The following SPAG16 variants were observed in gnomAD, a reference collection of about 807,000 sequenced individuals.
The protein encoded by SPAG16 is sperm associated antigen 16.
A neutral mutation model predicts 80.4 loss-of-function variants in SPAG16; 86 were observed. That is an observed-to-expected ratio of 1.07 (90% confidence interval 0.90 to 1.28). SPAG16 has a LOEUF of 1.28. SPAG16 is among the 50% of genes most tolerant of loss of function. The probability of loss-of-function intolerance (pLI) is 0.00; values close to 1 mark genes in which losing one functional copy is unlikely to be tolerated. For missense variants in SPAG16, 870 were observed against 765.3 expected, an observed-to-expected ratio of 1.14 and a Z score of -1.61; for synonymous variants, 294 against 265.9, an observed-to-expected ratio of 1.11 and a Z score of -1.03.
intron 12 of SPAG16, among the ~76,000 whole-genome samples, chr2:213,931,695 A>G (rs1168269540): frequency 6.6e-6 from 1 of 152,136 alleles, no homozygotes; most frequent in East Asian, 1.9e-4. Context: ...ACTTTTCTTT[A>G]TGACCCTGGT....
At chr2:214,180,243 G>A (rs1462641893) in intron 15 of SPAG16, among the ~76,000 whole-genome samples, 1 of 151,536 alleles carries the variant, frequency 6.6e-6, no homozygotes, top group Non-Finnish European at 1.5e-5. Context: ...CATATGTTGA[G>A]GGAAGAATGC....
At chr2:214,138,702 G>T (rs2055191169) in intron 14 of SPAG16, among the ~76,000 whole-genome samples, 1 of 152,112 alleles carries the variant, frequency 6.6e-6, no homozygotes, top group African/African-American at 2.4e-5. Flanking sequence ...CTGAGCATCA[G>T]AAGGAAGATT....
intron 11 of SPAG16, among the ~76,000 whole-genome samples, chr2:213,906,122 C>T (rs2077421727): frequency 6.6e-6 from 1 of 152,016 alleles, no homozygotes; most frequent in Non-Finnish European, 1.5e-5. Context: ...TTTTAACCTT[C>T]CCCACTCTAT....
At chr2:214,227,333 A>G (rs1318009596) in intron 15 of SPAG16, among the ~76,000 whole-genome samples, 1 of 152,070 alleles carries the variant, frequency 6.6e-6, no homozygotes, top group Admixed American at 6.6e-5. Context: ...AACAGTTTTA[A>G]TATTTACTAC....
At chr2:214,086,690 G>C (rs1399267139) in intron 13 of SPAG16, among the ~76,000 whole-genome samples, 2 of 152,046 alleles carry the variant, frequency 1.3e-5, no homozygotes, top group Non-Finnish European at 2.9e-5. Context: ...CCAGTCTCCA[G>C]AAGTTCTTTA....
intron 15 of SPAG16, among the ~76,000 whole-genome samples, chr2:214,345,795 T>TAAAC (rs1169564953): frequency 6.6e-6 from 1 of 152,156 alleles, no homozygotes; most frequent in Non-Finnish European, 1.5e-5. Context: ...TATTGAACTG[T>TAAAC]AAACAAATAA....
intron 9 of SPAG16, among the ~76,000 whole-genome samples, chr2:213,477,856 CA>C (rs1298290714): frequency 2.0e-5 from 3 of 152,044 alleles, no homozygotes; most frequent in Non-Finnish European, 2.9e-5. Flanking sequence ...TGGGAGGGGC[CA>C]GGGGCAGAAT....
At chr2:213,713,972 T>C (rs918678958) in intron 10 of SPAG16, among the ~76,000 whole-genome samples, 1 of 152,190 alleles carries the variant, frequency 6.6e-6, no homozygotes, top group Non-Finnish European at 1.5e-5. Context: ...GATAACAAAC[T>C]ATCAAAAGTT....
chr2:213,376,736 A>C (rs538135446), intron 9 of SPAG16, among the ~76,000 whole-genome samples: 3 of 152,112 alleles, frequency 2.0e-5, no homozygotes, highest in Non-Finnish European at 4.4e-5. Context: ...CATTTGTTCT[A>C]TAGTCTTAAT....
intron 15 of SPAG16, among the ~76,000 whole-genome samples, chr2:214,158,204 G>A (rs1166874581): frequency 6.6e-6 from 1 of 151,864 alleles, no homozygotes; most frequent in Non-Finnish European, 1.5e-5. Context: ...TTTTTCCTAT[G>A]TTTAGAATAA....
At chr2:214,239,307 C>T (rs920499840) in intron 15 of SPAG16, 1 of 152,184 alleles carries the variant, frequency 6.6e-6, no homozygotes, top group Non-Finnish European at 1.5e-5. Context: ...TGGCATGAGC[C>T]ACTGCACCCA....
chr2:213,893,326 A>C (rs2106088614), intron 11 of SPAG16, among the ~76,000 whole-genome samples: 1 of 152,266 alleles, frequency 6.6e-6, no homozygotes, highest in South Asian at 2.1e-4. Flanking sequence ...GAGTTCTTCC[A>C]TCTGAAAGAA....
At chr2:213,527,356 T>C (rs2075922984) in intron 10 of SPAG16, among the ~76,000 whole-genome samples, 2 of 152,212 alleles carry the variant, frequency 1.3e-5, no homozygotes, top group African/African-American at 4.8e-5. Context: ...TTCATATGCT[T>C]TGCAGCTTCT....
Position 213,887,163 on chromosome 2 carries a change from A to G in SPAG16, c.1214+24535A>G, listed in dbSNP as rs375192170. Among the ~76,000 whole-genome samples, 112 of 152,228 alleles carry G rather than the reference A, an allele frequency of 7.4e-4. 1 individual carries two copies. The South Asian group carries it at 0.016, about 21-fold the overall frequency. On this transcript the variant is annotated intron_variant, in intron 11 of 15. Coordinates refer to ENST00000331683, the MANE Select transcript of SPAG16 (RefSeq NM_024532.5). ...ATAACCACAATACAATTAACAGAAT[A>G]AGAAATTAACACTGGCATCATACTT... is the stretch of plus-strand genomic sequence containing the variant.
intron 15 of SPAG16, among the ~76,000 whole-genome samples, chr2:214,366,922 G>T (rs1017505910): frequency 6.6e-6 from 1 of 152,082 alleles, no homozygotes; most frequent in Non-Finnish European, 1.5e-5. Context: ...CCCAAAATCT[G>T]TTATACTCTT....
intron 10 of SPAG16, among the ~76,000 whole-genome samples, chr2:213,825,701 C>CTTT (rs55777958): frequency 8.8e-4 from 97 of 109,712 alleles, no homozygotes; most frequent in African/African-American, 2.5e-3. Flanking sequence ...TTCTTTCTTT[C>CTTT]TTTTTTTTTT....
chr2:214,150,822 A>T (rs188645343), intron 15 of SPAG16, among the ~76,000 whole-genome samples: 174 of 152,166 alleles, frequency 1.1e-3, no homozygotes, highest in African/African-American at 4.0e-3. Context: ...TTATTTGCAT[A>T]CTTAGATAAA....
chr2:213,296,895 A>AT (rs1159700647), intron 2 of SPAG16: 5 of 349,220 alleles, frequency 1.4e-5, no homozygotes, highest in Non-Finnish European at 2.6e-5. Context: ...TAAACGAGAG[A>AT]TTTTCAGTTG....
At chr2:213,648,904 G>T (rs1431441669) in intron 10 of SPAG16, among the ~76,000 whole-genome samples, 1 of 152,072 alleles carries the variant, frequency 6.6e-6, no homozygotes, top group Non-Finnish European at 1.5e-5. Context: ...ACAATGAAAG[G>T]ATATGGCTGA....
Sources: gnomAD v4.1 joint callset for allele counts (sites outside exome capture counted in the v4.1 genomes callset) on GRCh38, gnomAD v4.1.1 for gene constraint, MANE v1.5 for transcripts, NCBI Gene and HGNC (gene_info 2026-07-23, HGNC 2026-07-21) for gene names.